The following SH3GL3 variants were observed in gnomAD, a reference collection of about 807,000 sequenced individuals.
The protein encoded by SH3GL3 is endophilin-A3.
A neutral mutation model predicts 47.7 loss-of-function variants in SH3GL3; 33 were observed. The ratio of observed to expected loss-of-function variants is 0.69; its 90% confidence interval spans 0.52 to 0.92. The LOEUF is 0.92. Ranked by LOEUF, SH3GL3 falls within the 40% of genes least tolerant of loss-of-function variation. The pLI is 0.00. For missense variants in SH3GL3, 363 were observed against 417.8 expected, an observed-to-expected ratio of 0.87 and a Z score of 1.14; for synonymous variants, 155 against 148.8, an observed-to-expected ratio of 1.04 and a Z score of -0.30.
At chr15:83,574,183 G>A (rs550012811) in intron 5 of SH3GL3, among the ~76,000 whole-genome samples, 16 of 152,274 alleles carry the variant, frequency 1.1e-4, no homozygotes, top group African/African-American at 3.4e-4. Flanking sequence ...TGAGAGTCAC[G>A]GAAAGCCCTG....
intron 1 of SH3GL3, among the ~76,000 whole-genome samples, chr15:83,453,438 G>T (rs2039873042): frequency 9.5e-6 from 1 of 105,472 alleles, no homozygotes; most frequent in African/African-American, 3.6e-5. Flanking sequence ...ATCTGGTCCT[G>T]GACTCTTTTT....
chr15:83,617,733 A>G (rs2060863945), intron 8 of SH3GL3, among the ~76,000 whole-genome samples: 1 of 152,184 alleles, frequency 6.6e-6, no homozygotes, highest in Non-Finnish European at 1.5e-5. Flanking sequence ...CCCCACAAAG[A>G]AACTGTAAGC....
intron 1 of SH3GL3, among the ~76,000 whole-genome samples, chr15:83,498,144 C>T (rs2151598822): frequency 6.6e-6 from 1 of 152,320 alleles, no homozygotes; most frequent in African/African-American, 2.4e-5. Flanking sequence ...CTGGACAGCT[C>T]TACTTGGACA....
At chr15:83,491,736 A>G (rs1404921289) in intron 1 of SH3GL3, among the ~76,000 whole-genome samples, 5 of 152,186 alleles carry the variant, frequency 3.3e-5, no homozygotes, top group Non-Finnish European at 7.4e-5. Context: ...TTTGAGTCAC[A>G]CAGAGCCTGA....
At chr15:83,632,348 T>C in the SH3GL3 span, among the ~76,000 whole-genome samples, 1 of 152,182 alleles carries the variant, frequency 6.6e-6, no homozygotes. Flanking sequence ...TCTCTAGAGG[T>C]AATCTCCTGG....
intron 1 of SH3GL3, among the ~76,000 whole-genome samples, chr15:83,450,159 T>C (rs1480102557): frequency 6.6e-6 from 1 of 152,204 alleles, no homozygotes; most frequent in Non-Finnish European, 1.5e-5. Flanking sequence ...TCAGGGAATT[T>C]AGAAGCTATG....
chr15:83,516,303 G>C (rs2042977367), intron 1 of SH3GL3, among the ~76,000 whole-genome samples: 1 of 152,132 alleles, frequency 6.6e-6, no homozygotes, highest in Non-Finnish European at 1.5e-5. Context: ...AAGCTCCCAT[G>C]TACCCTTTTA....
chr15:83,469,553 T>C (rs527558135), intron 1 of SH3GL3, among the ~76,000 whole-genome samples: 35 of 152,344 alleles, frequency 2.3e-4, no homozygotes, highest in Admixed American at 1.0e-3. Flanking sequence ...TATTTTTGAC[T>C]TCCCTTCAGA....
At chr15:83,533,881 GTTAGTATTTACTTGAC>G (rs2043793514) in intron 1 of SH3GL3, among the ~76,000 whole-genome samples, 1 of 152,146 alleles carries the variant, frequency 6.6e-6, no homozygotes, top group Non-Finnish European at 1.5e-5. Flanking sequence ...CTTCCCTCTG[GTTAGTATTTACTTGAC>G]TCATGCAATG....
At chr15:83,552,318 G>A (rs1178470391) in intron 1 of SH3GL3, among the ~76,000 whole-genome samples, 2 of 152,182 alleles carry the variant, frequency 1.3e-5, no homozygotes, top group African/African-American at 4.8e-5. Flanking sequence ...TACAGCTTTA[G>A]CTGCATACCA....
intron 1 of SH3GL3, among the ~76,000 whole-genome samples, chr15:83,457,898 C>T (rs1472256991): frequency 6.6e-6 from 1 of 152,082 alleles, no homozygotes; most frequent in Non-Finnish European, 1.5e-5. Flanking sequence ...GTAAATGTAA[C>T]TCATGGTATC....
intron 1 of SH3GL3, among the ~76,000 whole-genome samples, chr15:83,505,213 C>T (rs1239141536): frequency 1.3e-5 from 2 of 152,136 alleles, no homozygotes; most frequent in African/African-American, 4.8e-5. Context: ...GGTGCACATT[C>T]CACAGGCTTC....
chr15:83,501,869 C>A (rs549779747), intron 1 of SH3GL3, among the ~76,000 whole-genome samples: 3 of 151,784 alleles, frequency 2.0e-5, no homozygotes, highest in African/African-American at 7.3e-5. Context: ...CCAGCCTGGG[C>A]GACAGAGTGA....
rs183394744 is a variant in SH3GL3, at chr15:83,485,373, T to A, written c.45+37795T>A. On this transcript the variant is annotated intron_variant, in intron 1 of 8. Coordinates refer to ENST00000427482, the MANE Select transcript of SH3GL3 (RefSeq NM_003027.5). ...GGAAGAATAATGAAAAAGTGTTGTGTTCTTTGCGATGATTTTTGTTTTTAG... is the reference window on the plus strand; with the variant it reads ...GGAAGAATAATGAAAAAGTGTTGTGATCTTTGCGATGATTTTTGTTTTTAG... Among the ~76,000 whole-genome samples the A allele has an allele frequency of 1.3e-4, 20 of 152,350 alleles. No homozygotes were observed. The East Asian group carries it at 3.9e-3, about 29-fold the overall frequency.
intron 1 of SH3GL3, among the ~76,000 whole-genome samples, chr15:83,549,072 A>C (rs1334216941): frequency 6.6e-6 from 1 of 151,936 alleles, no homozygotes; most frequent in Non-Finnish European, 1.5e-5. Context: ...TTGGGTTCTT[A>C]ATTTTAGTTA....
chr15:83,572,698 G>GCATCACCTGAAAAAGCTGGAAGGCCGCC lies in SH3GL3; in HGVS notation c.465_465+1insCATCACCTGAAAAAGCTGGAAGGCCGCC (p.Arg165ProfsTer16). ...AAGATAAAGATTTAAAAGAGATCGG[G>GCATCACCTGAAAAAGCTGGAAGGCCGCC]GTAAGTCTTCCAGGGTATAAATATA... On this transcript the variant is annotated frameshift_variant and splice_region_variant. Transcript: ENST00000427482. LOFTEE classifies it high-confidence loss of function. The GCATCACCTGAAAAAGCTGGAAGGCCGCC allele has an allele frequency of 6.2e-7, 1 of 1,605,222 alleles. No homozygotes were observed. The highest frequency in any genetic ancestry group is 1.3e-5 in the African/African-American group (1 of 74,768).
rs779927565 is a variant in SH3GL3 at position 83,565,127 on chromosome 15, T to C, written c.115-7T>C. On this transcript the variant is annotated splice_polypyrimidine_tract_variant and splice_region_variant and intron_variant, in intron 2 of 8. Transcript: ENST00000427482. Reference sequence around the variant, plus strand: ...TTTACTAACTTTTTTTAAATTTTGCTTTTAAGAAAATAGATGTTACCAATA... The same window carrying C: ...TTTACTAACTTTTTTTAAATTTTGCCTTTAAGAAAATAGATGTTACCAATA... The C allele has an allele frequency of 1.4e-6, 2 of 1,398,278 alleles. No individual in the cohort carries two copies. The highest frequency in any genetic ancestry group is 2.0e-6 in the Non-Finnish European group (2 of 1,004,258). The allele number at this position is 1,398,278 out of a possible 1,614,324, so 86.6% of individuals were successfully genotyped here.
intron 1 of SH3GL3, among the ~76,000 whole-genome samples, chr15:83,503,217 C>T (rs2042362778): frequency 6.6e-6 from 1 of 152,084 alleles, no homozygotes. Context: ...CTGTTATCCA[C>T]ATCTCATTAC....
rs75100819 is a variant in SH3GL3, at chr15:83,508,412, T to C, written c.46-50841T>C. Among the ~76,000 whole-genome samples the C allele has an allele frequency of 2.6e-3, 388 of 152,026 alleles. 2 individuals are homozygous for C. Among genetic ancestry groups the C allele is most frequent in the African/African-American group, 8.9e-3 (369 of 41,466 alleles). On this transcript the variant is annotated intron_variant, in intron 1 of 8. Coordinates refer to ENST00000427482, the MANE Select transcript of SH3GL3 (RefSeq NM_003027.5). ...GAAACACGCTGGAGGTGTTCGAGGA[T>C]CATGGAGGGGTGTGGCTGGAGTGCA...
Sources: gnomAD v4.1 joint callset for allele counts (sites outside exome capture counted in the v4.1 genomes callset) on GRCh38, gnomAD v4.1.1 for gene constraint, MANE v1.5 for transcripts, NCBI Gene and HGNC (gene_info 2026-07-23, HGNC 2026-07-21) for gene names.